The following SLC25A16 variants were observed in gnomAD, a reference collection of about 807,000 sequenced individuals.
SLC25A16 encodes solute carrier family 25 member 16, also known as mitochondrial coenzyme A transporter SLC25A16.
A neutral mutation model predicts 41.5 loss-of-function variants in SLC25A16; 39 were observed. The observed-to-expected ratio is 0.94, with a 90% CI of 0.73 to 1.23. The LOEUF is 1.23. Ranked by LOEUF, SLC25A16 falls within the 50% of genes most tolerant of loss-of-function variation. The pLI is 0.00. For synonymous variants in SLC25A16, 146 were observed against 147.8 expected (o/e 0.99, Z 0.09); for missense variants, 421 against 426.9 (o/e 0.99, Z 0.12).
chr10:68,511,430 C>T (rs963482603), intron 2 of SLC25A16, among the ~76,000 whole-genome samples: 2 of 152,056 alleles, frequency 1.3e-5, no homozygotes, highest in African/African-American at 4.8e-5. Context: ...CTGTAACCCA[C>T]GGCATGCAGC....
chr10:68,515,217 C>A (rs1163928397), intron 2 of SLC25A16, among the ~76,000 whole-genome samples: 1 of 150,294 alleles, frequency 6.7e-6, no homozygotes, highest in Non-Finnish European at 1.5e-5. Context: ...ATTAGCCAGG[C>A]GTGGTGGTGC....
At chr10:68,493,326 T>C in intron 5 of SLC25A16, 123 bp downstream of exon 5, 2 of 1,130,124 alleles carry the variant, frequency 1.8e-6, no homozygotes, top group Non-Finnish European at 1.3e-6. Context: ...AGATGTGTTT[T>C]CGTAATTATT....
At chr10:68,515,443 A>G (rs2053145458) in intron 2 of SLC25A16, among the ~76,000 whole-genome samples, 1 of 151,948 alleles carries the variant, frequency 6.6e-6, no homozygotes, top group African/African-American at 2.4e-5. Context: ...AGCGTTAAAA[A>G]GGAGTAATTA....
At chr10:68,516,336 A>G (rs1278373297) in intron 2 of SLC25A16, among the ~76,000 whole-genome samples, 1 of 152,122 alleles carries the variant, frequency 6.6e-6, no homozygotes, top group Non-Finnish European at 1.5e-5. Context: ...AGAACTTTTT[A>G]AAAGAGGCAA....
At position 68,478,752 on chromosome 10, in the gene SLC25A16, CATTT is replaced by C. The variant is rs939458710; in HGVS notation, c.*4676_*4679del. The C allele has an allele frequency of 1.3e-5, 2 of 150,034 alleles. No individual in the cohort carries two copies. Among genetic ancestry groups the C allele is most frequent in the Non-Finnish European group, 3.0e-5 (2 of 67,584 alleles). 9.3% of individuals were successfully genotyped at this position (150,034 alleles called of 1,614,324 possible). On this transcript the variant is annotated 3_prime_UTR_variant, in exon 9 of 9. Coordinates refer to ENST00000609923, the MANE Select transcript of SLC25A16 (RefSeq NM_152707.4). ...ACATATATTTTTTATTTTATATATT[CATTT>C]ATTTTTATTTTTATTTTTTGGGACA...
intron 4 of SLC25A16, among the ~76,000 whole-genome samples, chr10:68,494,560 AG>A (rs938639255): frequency 6.7e-6 from 1 of 148,530 alleles, no homozygotes; most frequent in African/African-American, 2.5e-5. Flanking sequence ...AAAGGAAGGA[AG>A]GAAGGAAGGA....
At chr10:68,485,614 AC>A (rs2052546268) in intron 8 of SLC25A16, among the ~76,000 whole-genome samples, 1 of 151,018 alleles carries the variant, frequency 6.6e-6, no homozygotes, top group Non-Finnish European at 1.5e-5. Flanking sequence ...TGAACTCCTG[AC>A]CTCATGATCC....
intron 1 of SLC25A16, chr10:68,517,461 A>C (rs2053178441): frequency 6.5e-6 from 1 of 153,596 alleles, no homozygotes; most frequent in South Asian, 2.1e-4. Flanking sequence ...CATGCTTCTA[A>C]AGCAATAATA....
At chr10:68,516,198 G>A (rs1478662118) in intron 2 of SLC25A16, among the ~76,000 whole-genome samples, 4 of 152,060 alleles carry the variant, frequency 2.6e-5, no homozygotes, top group African/African-American at 7.2e-5. Flanking sequence ...GTTTTGCCAC[G>A]AAAGTACACC....
intron 2 of SLC25A16, among the ~76,000 whole-genome samples, chr10:68,513,085 G>A (rs1296853947): frequency 6.6e-6 from 1 of 151,446 alleles, no homozygotes; most frequent in African/African-American, 2.4e-5. Context: ...GAAGTCCCAC[G>A]CAGTAATCCT....
At chr10:68,521,760 AT>A (rs2053254440) in intron 1 of SLC25A16, among the ~76,000 whole-genome samples, 1 of 151,046 alleles carries the variant, frequency 6.6e-6, no homozygotes, top group Non-Finnish European at 1.5e-5. Context: ...CGCCCGGCTA[AT>A]TTTTTGTATT....
chr10:68,524,291 G>A (rs1342849223), intron 1 of SLC25A16, among the ~76,000 whole-genome samples: 1 of 121,396 alleles, frequency 8.2e-6, no homozygotes, highest in African/African-American at 3.4e-5. Flanking sequence ...CTCCAGCCTG[G>A]GCAACAGAAA....
chr10:68,488,726 GGT>G, intron 6 of SLC25A16, 97 bp from the exon 7 acceptor site: 1 of 982,126 alleles, frequency 1.0e-6, no homozygotes, highest in Non-Finnish European at 1.5e-6. Context: ...CCTAATTTCT[GGT>G]GTTTGGCTTA....
chr10:68,480,326 T>C lies in SLC25A16; in HGVS notation c.*3106A>G, dbSNP rs952606998. 3.3e-5 allele frequency: 5 copies of C among 152,178 alleles called. No individual in the cohort carries two copies. The highest frequency in any genetic ancestry group is 1.2e-4 in the African/African-American group (5 of 41,452). The allele number at this position is 152,178 out of a possible 1,614,324, so 9.4% of individuals were successfully genotyped here. On this transcript the variant is annotated 3_prime_UTR_variant, in exon 9 of 9. Coordinates refer to ENST00000609923, the MANE Select transcript of SLC25A16 (RefSeq NM_152707.4). ...AAATATTCTTCCATTCTGACTTATG[T>C]TTAGCATTTGTGCTTCAATATGTAA...
At position 68,478,205 on chromosome 10, in the gene SLC25A16, C is replaced by T. The variant is rs1426638247; in HGVS notation, c.*5227G>A. The T allele has an allele frequency of 2.0e-5, 3 of 152,098 alleles. No individual in the cohort carries two copies. Among genetic ancestry groups the T allele is most frequent in the Non-Finnish European group, 2.9e-5 (2 of 68,038 alleles). 9.4% of individuals were successfully genotyped at this position (152,098 alleles called of 1,614,324 possible). ...AATCTCCCTAGGCCTCGATTATTCC[C>T]ATCTGTCAAAAAGAAATATTAAATG... is the stretch of plus-strand genomic sequence containing the variant. On this transcript the variant is annotated 3_prime_UTR_variant, in exon 9 of 9. Transcript: ENST00000609923.
At chr10:68,485,946 T>C (rs902575349) in intron 8 of SLC25A16, among the ~76,000 whole-genome samples, 2 of 151,182 alleles carry the variant, frequency 1.3e-5, no homozygotes, top group Admixed American at 6.6e-5. Flanking sequence ...TACAGGTGCC[T>C]GCCACCACAC....
chr10:68,516,685 T>G (rs764247160), intron 2 of SLC25A16, 66 bp downstream of exon 2: 17 of 1,160,814 alleles, frequency 1.5e-5, no homozygotes, highest in Non-Finnish European at 2.1e-5. Context: ...CAAACTTAAA[T>G]TCCCTTTTTT....
At chr10:68,503,994 G>A (rs1400827512) in intron 3 of SLC25A16, among the ~76,000 whole-genome samples, 3 of 150,672 alleles carry the variant, frequency 2.0e-5, no homozygotes, top group Non-Finnish European at 2.9e-5. Context: ...CAAGTGACTG[G>A]GGGTAGTAGG....
intron 2 of SLC25A16, among the ~76,000 whole-genome samples, chr10:68,509,768 G>A (rs914317395): frequency 6.8e-6 from 1 of 147,064 alleles, no homozygotes; most frequent in Non-Finnish European, 1.5e-5. Context: ...TATAGATATA[G>A]ATAGATAGAT....
Sources: allele counts gnomAD v4.1 joint callset (sites outside exome capture counted in the v4.1 genomes callset), GRCh38; gene constraint gnomAD v4.1.1; transcripts MANE v1.5; gene names NCBI Gene and HGNC (gene_info 2026-07-23, HGNC 2026-07-21).